The following ESYT3 variants were observed in gnomAD, a reference collection of about 807,000 sequenced individuals.
The protein encoded by ESYT3 is extended synaptotagmin-3.
Under a neutral mutation model 111.5 loss-of-function variants are expected in ESYT3, and 101 were observed. That is an observed-to-expected ratio of 0.91 (90% confidence interval 0.77 to 1.07). The LOEUF (loss-of-function observed/expected upper bound fraction) is 1.07. Ranked by LOEUF, ESYT3 falls within the 50% of genes least tolerant of loss-of-function variation. The probability of loss-of-function intolerance (pLI) is 0.00; values close to 1 mark genes in which losing one functional copy is unlikely to be tolerated. For synonymous variants in ESYT3, 416 were observed against 446.8 expected (o/e 0.93, Z 0.87); for missense variants, 1,097 against 1,109.4 (o/e 0.99, Z 0.16).
Position 138,479,819 on chromosome 3 carries a change from T to G in ESYT3, c.*2965T>G, listed in dbSNP as rs2033645028. 1 of 152,206 alleles carries G rather than the reference T, an allele frequency of 6.6e-6. No homozygotes were observed. Among genetic ancestry groups the G allele is most frequent in the African/African-American group, 2.4e-5 (1 of 41,446 alleles). The allele number at this position is 152,206 out of a possible 1,614,324, so 9.4% of individuals were successfully genotyped here. On this transcript the variant is annotated 3_prime_UTR_variant, in exon 23 of 23. Coordinates refer to ENST00000389567, the MANE Select transcript of ESYT3 (RefSeq NM_031913.5). ...AACTTCCTTTCTTGTTCACTCTCCC[T>G]TACCCCTGGGGGTAAGGATCTGCAT...
At chr3:138,467,888 TA>T (rs1051800386) in intron 11 of ESYT3, among the ~76,000 whole-genome samples, 16 of 152,130 alleles carry the variant, frequency 1.1e-4, no homozygotes, top group African/African-American at 3.6e-4. Flanking sequence ...GGGTTTTTTT[TA>T]ATCCCACAGT....
intron 16 of ESYT3, chr3:138,470,380 G>A: frequency 8.1e-7 from 1 of 1,233,194 alleles, no homozygotes; most frequent in Non-Finnish European, 1.0e-6. Context: ...GACTTTCCCT[G>A]CAAAAGGGTC....
In ESYT3 at chr3:138,457,620, G is replaced by T. The variant is rs1273865636; in HGVS notation, c.557G>T (p.Arg186Leu). Reference protein sequence around the residue: ...KAHTNTCNRRRVTVDLQICYI... With the variant: ...KAHTNTCNRRLVTVDLQICYI... ...CACACTAATACGTGCAACCGAAGAC[G>T]TGTGACTGTGGACCTGCAGATCTGG... Residue 186 changes from arginine (R) to leucine (L), a missense_variant, in exon 4 of 23, where the codon CGT (arginine) becomes CTT (leucine). Physicochemically the swap from Arg to Leu is moderately radical, Grantham distance 102. Transcript: ENST00000389567. 3 of 1,614,088 alleles carry T rather than the reference G, an allele frequency of 1.9e-6. No individual in the cohort carries two copies. The highest frequency in any genetic ancestry group is 2.7e-5 in the African/African-American group (2 of 74,948).
Position 138,476,976 on chromosome 3 carries a change from G to T in ESYT3, c.*122G>T. On this transcript the variant is annotated 3_prime_UTR_variant, in exon 23 of 23. Transcript: ENST00000389567. ...GTCATTTAAATCAGAACAACCACTT[G>T]AAATTATATACATACAATTCTTGTG... 3.2e-6 allele frequency: 2 copies of T among 633,634 alleles called. No individual in the cohort carries two copies. The highest frequency in any genetic ancestry group is 5.2e-6 in the Non-Finnish European group (2 of 387,574). The allele number at this position is 633,634 out of a possible 1,614,324, so 39.3% of individuals were successfully genotyped here. A position where few individuals can be genotyped will look rare whatever the true frequency, so the allele number is the denominator to read the frequency against.
At chr3:138,460,132 G>A in intron 6 of ESYT3, 98 bp downstream of exon 6, 1 of 1,073,144 alleles carries the variant, frequency 9.3e-7, no homozygotes, top group Non-Finnish European at 1.4e-6. Context: ...AATGGACATT[G>A]TCCCAGCCCA....
Position 138,434,817 on chromosome 3 carries a change from T to C in ESYT3, c.19T>C (p.Cys7Arg), listed in dbSNP as rs1013525536. Residue 7 changes from cysteine (C) to arginine (R), a missense_variant, in exon 1 of 23, where the codon TGC (cysteine) becomes CGC (arginine). By Grantham distance (180) the Cys-to-Arg change is radical. Coordinates refer to ENST00000389567, the MANE Select transcript of ESYT3 (RefSeq NM_031913.5). The stretch of plus-strand genomic sequence containing the variant: ...CGACGAGATGCGAGCAGAGGAGCCC[T>C]GCGCCCCCGGGGCCCCCAGCGCCCT... The part of the protein sequence containing the change: MRAEEP[C>R]APGAPSALGA... The C allele has an allele frequency of 1.4e-5, 22 of 1,561,148 alleles. No homozygotes were observed. Among genetic ancestry groups the C allele is most frequent in the Non-Finnish European group, 1.7e-5 (20 of 1,155,362 alleles).
At position 138,457,657 on chromosome 3, in the gene ESYT3, G is replaced by A. The variant is rs764038799; in HGVS notation, c.581+13G>A. The A allele has an allele frequency of 7.4e-6, 12 of 1,613,970 alleles. No individual in the cohort carries two copies. Among genetic ancestry groups the A allele is most frequent in the Middle Eastern group, 1.7e-4 (1 of 6,042 alleles). On this transcript the variant is annotated intron_variant, in intron 4 of 22. Coordinates refer to ENST00000389567, the MANE Select transcript of ESYT3 (RefSeq NM_031913.5). Reference sequence around the variant, plus strand: ...ACCTGCAGATCTGGTGAGCTCTATCGGGCTGGGTATGGGCTTCGGGGTGCA... The same window carrying A: ...ACCTGCAGATCTGGTGAGCTCTATCAGGCTGGGTATGGGCTTCGGGGTGCA...
chr3:138,462,054 C>T (rs773697324), intron 7 of ESYT3, 32 bp from the exon 8 acceptor site: 5 of 1,612,880 alleles, frequency 3.1e-6, no homozygotes, highest in Middle Eastern at 1.7e-4. Context: ...GGCAGTGCCA[C>T]CCCTCCACAG....
chr3:138,465,435 C>T lies in ESYT3; in HGVS notation c.1169+14C>T, dbSNP rs201099511. On this transcript the variant is annotated intron_variant, in intron 10 of 22. Transcript: ENST00000389567. Reference sequence around the variant, plus strand: ...CTTCCTGGGCAGGTGAGGAGGAGGGCGCACAGCTGGGCCTGGAGGCAGCCT... The same window carrying T: ...CTTCCTGGGCAGGTGAGGAGGAGGGTGCACAGCTGGGCCTGGAGGCAGCCT... The T allele has an allele frequency of 4.4e-5, 69 of 1,578,154 alleles. 1 individual carries two copies. The African/African-American group carries it at 5.5e-4, about 13-fold the overall frequency.
chr3:138,437,938 A>G (rs2030845617), intron 1 of ESYT3, among the ~76,000 whole-genome samples: 2 of 152,316 alleles, frequency 1.3e-5, no homozygotes, highest in Middle Eastern at 6.8e-3. Flanking sequence ...AGTGCATACA[A>G]ACAGATGCAG....
chr3:138,468,796 ACC>A, intron 13 of ESYT3, 21 bp from the exon 14 acceptor site: 2 of 1,614,042 alleles, frequency 1.2e-6, no homozygotes, highest in African/African-American at 2.7e-5. Flanking sequence ...TGTTGCTTTA[ACC>A]CCGTTATTCC....
chr3:138,476,546 C>T, intron 22 of ESYT3, 54 bp downstream of exon 22: 1 of 1,565,616 alleles, frequency 6.4e-7, no homozygotes, highest in Non-Finnish European at 8.8e-7. Context: ...AGACAGTTTT[C>T]CCTTTTCAGT....
At chr3:138,463,831 A>C (rs987488657) in intron 8 of ESYT3, among the ~76,000 whole-genome samples, 3 of 152,192 alleles carry the variant, frequency 2.0e-5, no homozygotes, top group Admixed American at 2.0e-4. Flanking sequence ...ATGCAAGTGT[A>C]GGGAGGGGGT....
At position 138,451,466 on chromosome 3, in the gene ESYT3, T is replaced by C. The variant is rs568681569; in HGVS notation, c.328-582T>C. ...TTTAGGTGATGTTTGCATTTTCTAA[T>C]TTTTCTACGGAGACTGCATATTGTT... is the stretch of plus-strand genomic sequence containing the variant. On this transcript the variant is annotated intron_variant, in intron 1 of 22. Transcript: ENST00000389567. Among the ~76,000 whole-genome samples, 12 of 152,340 alleles carry C rather than the reference T, an allele frequency of 7.9e-5. No homozygotes were observed. In the South Asian group the frequency reaches 2.5e-3, roughly 32 times the overall value.
intron 1 of ESYT3, among the ~76,000 whole-genome samples, chr3:138,439,743 T>G (rs1158591771): frequency 6.6e-6 from 1 of 152,138 alleles, no homozygotes; most frequent in African/African-American, 2.4e-5. Context: ...TTGCTCCAGG[T>G]TGGGGGAATG....
At chr3:138,470,279 C>T (rs1322870459) in intron 16 of ESYT3, 133 bp downstream of exon 16, 17 of 1,378,398 alleles carry the variant, frequency 1.2e-5, no homozygotes, top group Non-Finnish European at 1.6e-5. Flanking sequence ...TAAGAGAGGA[C>T]ACTGAGGCCC....
chr3:138,443,733 C>T (rs371959147), intron 1 of ESYT3, among the ~76,000 whole-genome samples: 2 of 46,844 alleles, frequency 4.3e-5, no homozygotes, highest in Non-Finnish European at 7.5e-5. Context: ...TGTGTTTGTG[C>T]ATCTGTGTGT....
At chr3:138,461,794 C>G (rs2032655169) in intron 7 of ESYT3, among the ~76,000 whole-genome samples, 1 of 152,220 alleles carries the variant, frequency 6.6e-6, no homozygotes, top group African/African-American at 2.4e-5. Context: ...CTAACACAGG[C>G]TTCAGCCTTG....
intron 17 of ESYT3, among the ~76,000 whole-genome samples, chr3:138,471,994 C>A (rs967362843): frequency 6.6e-5 from 10 of 152,198 alleles, no homozygotes; most frequent in Non-Finnish European, 1.0e-4. Context: ...CTAAAGAGAT[C>A]CCACCTTCAT....
Sources: allele counts gnomAD v4.1 joint callset (sites outside exome capture counted in the v4.1 genomes callset), GRCh38; gene constraint gnomAD v4.1.1; transcripts MANE v1.5; gene names NCBI Gene and HGNC (gene_info 2026-07-23, HGNC 2026-07-21).